Variants in DHRS7C observed in about 807,000 individuals in gnomAD.
DHRS7C encodes dehydrogenase/reductase 7C.
In DHRS7C, 28 loss-of-function variants were observed where a neutral mutation model predicts 29.6. The ratio of observed to expected loss-of-function variants is 0.95; its 90% confidence interval spans 0.70 to 1.30. The LOEUF (loss-of-function observed/expected upper bound fraction) is 1.30, where lower values mean the gene tolerates loss of function less well. DHRS7C is among the 50% of genes most tolerant of loss of function. The pLI is 0.00. For synonymous variants in DHRS7C, 158 were observed against 160.2 expected (o/e 0.99, Z 0.10); for missense variants, 403 against 393.3 (o/e 1.02, Z -0.21).
intron 5 of DHRS7C, among the ~76,000 whole-genome samples, 173 bp from the exon 6 acceptor site, chr17:9,771,869 ACT>A (rs2066331163): frequency 1.3e-5 from 2 of 151,850 alleles, no homozygotes; most frequent in Non-Finnish European, 2.9e-5. Context: ...GAGACACTCC[ACT>A]CTCTGCGCTT....
At chr17:9,788,681 G>T (rs2066437959) in intron 1 of DHRS7C, among the ~76,000 whole-genome samples, 1 of 152,172 alleles carries the variant, frequency 6.6e-6, no homozygotes, top group Admixed American at 6.5e-5. Context: ...GGCACCCATG[G>T]GGTTCGTGCA....
At chr17:9,780,441 A>T (rs949707656) in intron 2 of DHRS7C, among the ~76,000 whole-genome samples, 3 of 151,758 alleles carry the variant, frequency 2.0e-5, no homozygotes. Context: ...AAAAAAAAAA[A>T]TCTATCACAG....
At chr17:9,772,548 C>T (rs1000963411) in intron 5 of DHRS7C, among the ~76,000 whole-genome samples, 6 of 152,154 alleles carry the variant, frequency 3.9e-5, no homozygotes, top group African/African-American at 1.4e-4. Flanking sequence ...GCTTAGCGGG[C>T]GCATGGGCTG....
intron 3 of DHRS7C, among the ~76,000 whole-genome samples, chr17:9,777,698 G>A (rs1364266522): frequency 1.3e-5 from 2 of 152,126 alleles, no homozygotes; most frequent in East Asian, 3.9e-4. Context: ...TCGGTAGTAA[G>A]AACATCATTC....
chr17:9,783,482 C>T (rs1028304441), intron 1 of DHRS7C, among the ~76,000 whole-genome samples: 1 of 152,118 alleles, frequency 6.6e-6, no homozygotes, highest in Non-Finnish European at 1.5e-5. Context: ...AATTGGAATA[C>T]TCAATATGAA....
At chr17:9,781,646 G>A in intron 1 of DHRS7C, 52 bp from the exon 2 acceptor site, 1 of 1,561,150 alleles carries the variant, frequency 6.4e-7, no homozygotes, top group Non-Finnish European at 8.8e-7. Context: ...TGGAGCCACT[G>A]ACAGTGAACC....
In DHRS7C at chr17:9,774,409, C is replaced by G. The variant is rs550312108; in HGVS notation, c.572-1487G>C. ...AAGCAATTCTCCAGCCTTAGCCTCC[C>G]GAGTAACTGAGATTATGGGTACACA... On this transcript the variant is annotated intron_variant, in intron 4 of 5. Coordinates refer to ENST00000571134, the MANE Select transcript of DHRS7C (RefSeq NM_001105571.3). This position sits in a 1 kb window ranked among gnomAD's most constrained non-coding sequence, Gnocchi z 5.0. Among the ~76,000 whole-genome samples the G allele has an allele frequency of 7.2e-5, 11 of 152,164 alleles. No homozygotes were observed. The highest frequency in any genetic ancestry group is 7.2e-4 in the Admixed American group (11 of 15,280).
chr17:9,771,897 T>C (rs964259421), intron 5 of DHRS7C, among the ~76,000 whole-genome samples: 3 of 152,196 alleles, frequency 2.0e-5, no homozygotes, highest in African/African-American at 7.2e-5. Flanking sequence ...TGCGTCTTCG[T>C]CTATAGGATG....
chr17:9,780,890 T>C (rs2066389433), intron 2 of DHRS7C, among the ~76,000 whole-genome samples: 1 of 152,232 alleles, frequency 6.6e-6, no homozygotes, highest in African/African-American at 2.4e-5. Flanking sequence ...AAACACACTT[T>C]GGGGCATTCT....
chr17:9,791,235 C>T lies in DHRS7C; in HGVS notation c.50G>A (p.Ser17Asn), dbSNP rs1597933619. The T allele has an allele frequency of 6.2e-7, 1 of 1,613,744 alleles. No homozygotes were observed. The highest frequency in any genetic ancestry group is 2.2e-5 in the East Asian group (1 of 44,882). Residue 17 changes from serine to asparagine, a missense_variant, in exon 1 of 6, where the codon AGC (serine) becomes AAC (asparagine). Ser to Asn is a conservative substitution (Grantham distance 46). Coordinates refer to ENST00000571134, the MANE Select transcript of DHRS7C (RefSeq NM_001105571.3). The stretch of plus-strand genomic sequence containing the variant: ...CTCTTGGTAAATGAAGAGGAGGCCG[C>T]TGATTCCCAGCAGCAGCAGGGGGAG... ...LMLPLLLLGI[S>N]GLLFIYQEVS...
intron 3 of DHRS7C, 27 bp from the exon 4 acceptor site, chr17:9,777,312 G>A (rs1314039218): frequency 1.2e-5 from 19 of 1,600,750 alleles, no homozygotes; most frequent in Non-Finnish European, 1.6e-5. Context: ...GATGCATCAT[G>A]GTTAAAACTT....
intron 1 of DHRS7C, among the ~76,000 whole-genome samples, chr17:9,782,368 G>A (rs563088396): frequency 7.4e-4 from 113 of 152,210 alleles, no homozygotes; most frequent in Non-Finnish European, 1.3e-3. Flanking sequence ...CTGAGGGCTT[G>A]CTCTTCAGAG....
rs570349816 is a variant in DHRS7C at position 9,791,483 on chromosome 17, C to A, written c.-199G>T. Among the ~76,000 whole-genome samples the A allele has an allele frequency of 6.6e-6, 1 of 152,198 alleles. No homozygotes were observed. Among genetic ancestry groups the A allele is most frequent in the African/African-American group, 2.4e-5 (1 of 41,442 alleles). On this transcript the variant is annotated 5_prime_UTR_variant, in exon 1 of 6. Coordinates refer to ENST00000571134, the MANE Select transcript of DHRS7C (RefSeq NM_001105571.3). ...ACTCACAGTGTCTCCGAAAGCAGAC[C>A]GAATCCAGGGGGCCTGCCCTCCCCA...
chr17:9,786,328 AAATAAT>A (rs200610370), intron 1 of DHRS7C, among the ~76,000 whole-genome samples: 8,563 of 138,134 alleles, frequency 0.062, 550 homozygotes, highest in African/African-American at 0.17. Context: ...ACTCCGTCTC[AAATAAT>A]AATAATAATA....
intron 5 of DHRS7C, 29 bp downstream of exon 5, chr17:9,772,738 G>T: frequency 6.2e-7 from 1 of 1,611,562 alleles, no homozygotes. Context: ...GAGGCCCCCA[G>T]GGGCCCCAGC....
At chr17:9,772,632 G>A in intron 5 of DHRS7C, 135 bp downstream of exon 5, 1 of 1,191,746 alleles carries the variant, frequency 8.4e-7, no homozygotes, top group Non-Finnish European at 1.1e-6. Context: ...TGCTGTTGGG[G>A]GTTGCTGAGC....
chr17:9,791,425 G>T lies in DHRS7C; in HGVS notation c.-141C>A. Reference sequence around the variant, plus strand: ...TCCAAGCTGAACACCCAGTGGGCGTGCTAATCCCCAAATGTTCAACAAATA... The same window carrying T: ...TCCAAGCTGAACACCCAGTGGGCGTTCTAATCCCCAAATGTTCAACAAATA... On this transcript the variant is annotated 5_prime_UTR_variant, in exon 1 of 6. Coordinates refer to ENST00000571134, the MANE Select transcript of DHRS7C (RefSeq NM_001105571.3). The T allele has an allele frequency of 2.3e-6, 2 of 866,130 alleles. No individual in the cohort carries two copies. The highest frequency in any genetic ancestry group is 3.4e-6 in the Non-Finnish European group (2 of 588,450). 53.7% of individuals were successfully genotyped at this position (866,130 alleles called of 1,614,324 possible). A position where few individuals can be genotyped will look rare whatever the true frequency, so the allele number is the denominator to read the frequency against.
chr17:9,775,034 G>A lies in DHRS7C; in HGVS notation c.572-2112C>T, dbSNP rs529628973. On this transcript the variant is annotated intron_variant, in intron 4 of 5. Transcript: ENST00000571134. The surrounding 1 kb of genome is among the most constrained non-coding windows in gnomAD (Gnocchi z 4.2). ...TTTTGCAAATGTTCCCAGGAAACTC[G>A]TGCATTTGTCCTATACGGGTCAGTG... Among the ~76,000 whole-genome samples the A allele has an allele frequency of 2.6e-5, 4 of 152,140 alleles. No homozygotes were observed. Among genetic ancestry groups the A allele is most frequent in the Admixed American group, 2.6e-4 (4 of 15,286 alleles).
intron 4 of DHRS7C, among the ~76,000 whole-genome samples, chr17:9,773,219 C>T (rs536153962): frequency 6.6e-6 from 1 of 152,214 alleles, no homozygotes; most frequent in South Asian, 2.1e-4. Flanking sequence ...GGCGCTATTT[C>T]CCTTGGCAAA....
Sources: gnomAD v4.1 joint callset for allele counts (sites outside exome capture counted in the v4.1 genomes callset) on GRCh38, gnomAD v4.1.1 for gene constraint, Gnocchi (gnomAD v3.1) non-coding constraint, MANE v1.5 for transcripts, NCBI Gene and HGNC (gene_info 2026-07-23, HGNC 2026-07-21) for gene names.